FMN1: variants seen among roughly 807,000 people sequenced by gnomAD.
FMN1 encodes the protein formin 1.
In FMN1, 110 loss-of-function variants were observed where a neutral mutation model predicts 132.4. The observed-to-expected ratio is 0.83, with a 90% confidence interval of 0.71 to 0.97. The LOEUF (loss-of-function observed/expected upper bound fraction) is 0.97, where lower values mean the gene tolerates loss of function less well. Ranked by LOEUF, FMN1 falls within the 50% of genes least tolerant of loss-of-function variation. FMN1 has a pLI of 0.00. For synonymous variants in FMN1, 722 were observed against 651.7 expected (o/e 1.11, Z -1.64); for missense variants, 1,792 against 1,705.3 (o/e 1.05, Z -0.90).
At chr15:33,109,552 A>G (rs904478221) in intron 4 of FMN1, among the ~76,000 whole-genome samples, 3 of 152,124 alleles carry the variant, frequency 2.0e-5, no homozygotes, top group Admixed American at 6.6e-5. Context: ...ACATGGATGG[A>G]GCTGGAGGCT....
intron 19 of FMN1, among the ~76,000 whole-genome samples, chr15:32,794,427 C>T (rs1171634126): frequency 6.6e-6 from 1 of 152,056 alleles, no homozygotes; most frequent in Non-Finnish European, 1.5e-5. Flanking sequence ...CCTTCTGTAC[C>T]TTTTGCAAAT....
At chr15:32,907,021 A>C (rs2060442296) in intron 12 of FMN1, among the ~76,000 whole-genome samples, 3 of 152,106 alleles carry the variant, frequency 2.0e-5, no homozygotes, top group Non-Finnish European at 4.4e-5. Context: ...CCTGAGTCTA[A>C]ATGTCCAGGC....
chr15:32,934,268 T>C (rs771630791), intron 9 of FMN1, among the ~76,000 whole-genome samples: 5 of 152,196 alleles, frequency 3.3e-5, no homozygotes, highest in Non-Finnish European at 7.4e-5. Context: ...GTAATTGATA[T>C]AACAAATTAT....
At position 32,766,514 on chromosome 15, in the gene FMN1, A is replaced by G. The variant is rs1314858076; in HGVS notation, c.*7796T>C. ...AAGGTAAAATCTATGAGAAATTGAG[A>G]AGGCCTAGAATAAGAACCCCCCCCC... On this transcript the variant is annotated 3_prime_UTR_variant, in exon 21 of 21. Coordinates refer to ENST00000616417, the MANE Select transcript of FMN1 (RefSeq NM_001277313.2). 2 of 148,288 alleles carry G rather than the reference A, an allele frequency of 1.3e-5. No individual in the cohort carries two copies. Among genetic ancestry groups the G allele is most frequent in the East Asian group, 4.0e-4 (2 of 5,054 alleles). The allele number at this position is 148,288 out of a possible 1,614,324, so 9.2% of individuals were successfully genotyped here.
At chr15:33,124,176 T>A (rs1298015293) in intron 4 of FMN1, among the ~76,000 whole-genome samples, 1 of 151,954 alleles carries the variant, frequency 6.6e-6, no homozygotes, top group East Asian at 1.9e-4. Context: ...CCATGCAGAG[T>A]GCAAAGGGTG....
Position 32,769,852 on chromosome 15 carries a change from C to T in FMN1, c.*4458G>A, listed in dbSNP as rs1269110887. ...TGTAGGGTCCCTAAAGGTAAAATAA[C>T]TAATACAAAACAAATTTTAAAAAGT... On this transcript the variant is annotated 3_prime_UTR_variant, in exon 21 of 21. Coordinates refer to ENST00000616417, the MANE Select transcript of FMN1 (RefSeq NM_001277313.2). 6.6e-6 allele frequency: 1 copy of T among 152,174 alleles called. No homozygotes were observed. The highest frequency in any genetic ancestry group is 2.4e-5 in the African/African-American group (1 of 41,442). The allele number at this position is 152,174 out of a possible 1,614,324, so 9.4% of individuals were successfully genotyped here. A position where few individuals can be genotyped will look rare whatever the true frequency, so the allele number is the denominator to read the frequency against.
chr15:32,918,355 T>C (rs1044174382), intron 10 of FMN1, among the ~76,000 whole-genome samples: 1 of 152,164 alleles, frequency 6.6e-6, no homozygotes, highest in African/African-American at 2.4e-5. Context: ...CTTATCTAAA[T>C]TGCTAAATGC....
At chr15:33,169,026 C>T (rs1355025565) in intron 3 of FMN1, among the ~76,000 whole-genome samples, 3 of 152,198 alleles carry the variant, frequency 2.0e-5, no homozygotes, top group Non-Finnish European at 4.4e-5. Context: ...ACAAAAATCT[C>T]ATATCCACAA....
chr15:33,027,606 T>C (rs1169303490), intron 6 of FMN1, among the ~76,000 whole-genome samples: 1 of 152,214 alleles, frequency 6.6e-6, no homozygotes, highest in Non-Finnish European at 1.5e-5. Flanking sequence ...GGTTTTGTTG[T>C]TGCTTTATGG....
intron 17 of FMN1, among the ~76,000 whole-genome samples, chr15:32,837,862 T>C (rs971508116): frequency 6.6e-6 from 1 of 152,198 alleles, no homozygotes; most frequent in African/African-American, 2.4e-5. Context: ...TGCTCTCTGT[T>C]AATTCCTTGC....
At chr15:33,012,782 G>A (rs1451315130) in intron 6 of FMN1, 1 of 701,950 alleles carries the variant, frequency 1.4e-6, no homozygotes, top group African/African-American at 1.7e-5. Flanking sequence ...GAAAACTTCA[G>A]TGGTCATGGT....
At chr15:33,033,084 G>A (rs911802423) in intron 6 of FMN1, among the ~76,000 whole-genome samples, 37 of 152,142 alleles carry the variant, frequency 2.4e-4, no homozygotes, top group African/African-American at 8.7e-4. Context: ...AGGATGGAGT[G>A]CAGTGGTACG....
At chr15:32,982,112 G>A (rs545627757) in intron 7 of FMN1, among the ~76,000 whole-genome samples, 4 of 152,080 alleles carry the variant, frequency 2.6e-5, no homozygotes, top group South Asian at 2.1e-4. Context: ...AGAGATATAC[G>A]AATAGCAAAT....
chr15:32,768,494 T>C lies in FMN1; in HGVS notation c.*5816A>G, dbSNP rs186917684. 5.9e-5 allele frequency: 9 copies of C among 152,340 alleles called. No individual in the cohort carries two copies. The East Asian group carries it at 1.5e-3, about 26-fold the overall frequency. The allele number at this position is 152,340 out of a possible 1,614,324, so 9.4% of individuals were successfully genotyped here. ...CTATACATGGAGAGAAATATTCATA[T>C]TAATTTAAGACGTTCTCATAGTTTC... On this transcript the variant is annotated 3_prime_UTR_variant, in exon 21 of 21. Transcript: ENST00000616417.
intron 6 of FMN1, among the ~76,000 whole-genome samples, chr15:33,017,539 C>G (rs1187757268): frequency 6.6e-6 from 1 of 151,850 alleles, no homozygotes; most frequent in African/African-American, 2.4e-5. Context: ...TGTTCAATAA[C>G]TTACAGAAAG....
At chr15:33,135,786 A>T (rs777075225) in intron 4 of FMN1, among the ~76,000 whole-genome samples, 1 of 152,212 alleles carries the variant, frequency 6.6e-6, no homozygotes, top group Non-Finnish European at 1.5e-5. Context: ...GCGTACCAAT[A>T]CTAACTGTTC....
At chr15:32,962,491 T>C (rs553287702) in intron 9 of FMN1, among the ~76,000 whole-genome samples, 1 of 151,578 alleles carries the variant, frequency 6.6e-6, no homozygotes, top group African/African-American at 2.4e-5. Context: ...AATTGACAAA[T>C]GGGATCTAAT....
chr15:32,846,563 G>A (rs1289304601), intron 17 of FMN1, among the ~76,000 whole-genome samples: 1 of 152,198 alleles, frequency 6.6e-6, no homozygotes, highest in Non-Finnish European at 1.5e-5. Flanking sequence ...AGAAACAATA[G>A]ATGCTGGTGA....
intron 4 of FMN1, among the ~76,000 whole-genome samples, chr15:33,112,787 G>A (rs2039761418): frequency 6.6e-6 from 1 of 152,290 alleles, no homozygotes; most frequent in Non-Finnish European, 1.5e-5. Context: ...AATGTGGGTT[G>A]CTAGGAAGTG....
Sources: gnomAD v4.1 joint callset for allele counts (sites outside exome capture counted in the v4.1 genomes callset) on GRCh38, gnomAD v4.1.1 for gene constraint, MANE v1.5 for transcripts, NCBI Gene and HGNC (gene_info 2026-07-23, HGNC 2026-07-21) for gene names.